The following BICDL1 variants were observed in gnomAD, a reference collection of about 807,000 sequenced individuals.
The protein encoded by BICDL1 is BICD family-like cargo adapter 1.
Under a neutral mutation model 76.8 loss-of-function variants are expected in BICDL1, and 20 were observed. The ratio of observed to expected loss-of-function variants is 0.26; its 90% CI spans 0.18 to 0.38. The LOEUF is 0.38. Ranked by LOEUF, BICDL1 falls within the 10% of genes least tolerant of loss-of-function variation. The pLI is 1.00. For synonymous variants in BICDL1, 383 were observed against 337.1 expected, an observed-to-expected ratio of 1.14 and a Z score of -1.49; for missense variants, 700 against 798.6, an observed-to-expected ratio of 0.88 and a Z score of 1.49.
rs568867762 is a variant in BICDL1 at position 120,093,304 on chromosome 12, C to G, written c.*143C>G. 5.3e-4 allele frequency: 512 copies of G among 959,132 alleles called. 2 individuals are homozygous for G. The highest frequency in any genetic ancestry group is 6.2e-4 in the Non-Finnish European group (405 of 655,000). 59.4% of individuals were successfully genotyped at this position (959,132 alleles called of 1,614,324 possible). A position where few individuals can be genotyped will look rare whatever the true frequency, so the allele number is the denominator to read the frequency against. On this transcript the variant is annotated 3_prime_UTR_variant, in exon 10 of 10. Transcript: ENST00000548673. ...CCCCATGGGTCCGGGAGGGCCTGCT[C>G]CCTTTCGTCGGTGGGGATGGAGACC...
At chr12:120,052,106 A>G (rs1468733019) in intron 2 of BICDL1, among the ~76,000 whole-genome samples, 1 of 151,836 alleles carries the variant, frequency 6.6e-6, no homozygotes, top group African/African-American at 2.4e-5. Context: ...ACACCCAGCT[A>G]ATTTTTTTTG....
At chr12:120,033,451 A>G (rs554906200) in intron 2 of BICDL1, among the ~76,000 whole-genome samples, 2 of 136,568 alleles carry the variant, frequency 1.5e-5, no homozygotes, top group East Asian at 4.3e-4. Flanking sequence ...ATCTCGGCTC[A>G]CTGCAAACTC....
chr12:120,042,938 A>C (rs891862455), intron 2 of BICDL1, among the ~76,000 whole-genome samples: 1 of 152,060 alleles, frequency 6.6e-6, no homozygotes, highest in Non-Finnish European at 1.5e-5. Flanking sequence ...TGCTAAACCT[A>C]ACCAGAGGTG....
chr12:120,021,586 CAAA>C (rs145151630), intron 2 of BICDL1, among the ~76,000 whole-genome samples: 4,858 of 45,902 alleles, frequency 0.11, 113 homozygotes, highest in African/African-American at 0.19. Context: ...GACTCCATCT[CAAA>C]AAAAAAAAAA....
At chr12:120,066,176 G>A (rs1455695500) in intron 4 of BICDL1, among the ~76,000 whole-genome samples, 1 of 152,208 alleles carries the variant, frequency 6.6e-6, no homozygotes, top group Non-Finnish European at 1.5e-5. Context: ...CCAAAGTCAT[G>A]TAGTGAGTCT....
At position 120,026,759 on chromosome 12, in the gene BICDL1, G is replaced by T. The variant is rs146381785; in HGVS notation, c.645+28023G>T. Among the ~76,000 whole-genome samples, 13 of 152,334 alleles carry T rather than the reference G, an allele frequency of 8.5e-5. No homozygotes were observed. The East Asian group carries it at 2.5e-3, about 29-fold the overall frequency. On this transcript the variant is annotated intron_variant, in intron 2 of 9. Coordinates refer to ENST00000548673, the MANE Select transcript of BICDL1 (RefSeq NM_001367886.1). ...TTCTGCTGCAGTGTCATAGGCTCTA[G>T]CTTGTCAGCCATCTTTTTTGCTCTC...
intron 3 of BICDL1, among the ~76,000 whole-genome samples, chr12:120,063,356 CTTTG>C (rs770337603): frequency 6.6e-5 from 10 of 152,220 alleles, no homozygotes; most frequent in South Asian, 4.2e-4. Context: ...GACAATATTT[CTTTG>C]TTTGGCCAGA....
At chr12:120,057,841 T>C (rs1176573263) in intron 2 of BICDL1, among the ~76,000 whole-genome samples, 32 of 140,464 alleles carry the variant, frequency 2.3e-4, no homozygotes, top group Non-Finnish European at 1.1e-4. Flanking sequence ...TTTTTTTTTT[T>C]TTTTTTTGAG....
chr12:119,998,429 T>A, intron 1 of BICDL1, 92 bp from the exon 2 acceptor site: 3 of 1,122,808 alleles, frequency 2.7e-6, no homozygotes, highest in Non-Finnish European at 3.7e-6. Context: ...GTCTACTGAC[T>A]AGGAAAAAGA....
At position 120,071,698 on chromosome 12, in the gene BICDL1, C is replaced by T. The variant is rs780597636; in HGVS notation, c.986C>T (p.Thr329Ile). 3.7e-6 allele frequency: 6 copies of T among 1,612,730 alleles called. No individual in the cohort carries two copies. In the Admixed American group the frequency reaches 1.0e-4, roughly 27 times the overall value. Residue 329 changes from threonine (T) to isoleucine (I), a missense_variant, in exon 5 of 10, where the codon ACT becomes ATT. Thr to Ile is a moderately conservative substitution (Grantham distance 89). Coordinates refer to ENST00000548673, the MANE Select transcript of BICDL1 (RefSeq NM_001367886.1). The surrounding 1 kb of genome is among the most constrained non-coding windows in gnomAD (Gnocchi z 4.8). ...CTGCAGGTGAAGGTGGAAGAACTCA[C>T]TGAGGAGAGGAGTCTGCAGAGCTCT... is the stretch of plus-strand genomic sequence containing the variant. The part of the protein sequence containing the change: ...RQLQVKVEEL[T>I]EERSLQSSAA...
intron 2 of BICDL1, among the ~76,000 whole-genome samples, chr12:120,039,174 A>G (rs1017225694): frequency 3.3e-5 from 5 of 151,316 alleles, no homozygotes; most frequent in African/African-American, 4.9e-5. Context: ...GCGGGTGTCT[A>G]TAGTCCCAGC....
At chr12:120,049,115 A>G (rs1307328156) in intron 2 of BICDL1, among the ~76,000 whole-genome samples, 1 of 152,224 alleles carries the variant, frequency 6.6e-6, no homozygotes, top group Non-Finnish European at 1.5e-5. Flanking sequence ...GTCCTCTGCT[A>G]GAGTTTGTGC....
intron 1 of BICDL1, among the ~76,000 whole-genome samples, chr12:119,996,036 G>A (rs1234334761): frequency 6.6e-6 from 1 of 151,962 alleles, no homozygotes; most frequent in East Asian, 1.9e-4. Context: ...TACAAGGGAT[G>A]CATAGAGCAA....
intron 8 of BICDL1, among the ~76,000 whole-genome samples, chr12:120,083,729 G>A (rs1249065901): frequency 1.3e-5 from 2 of 151,754 alleles, no homozygotes; most frequent in African/African-American, 2.4e-5. Context: ...GCACGACCTC[G>A]TCTCACTGCA....
Position 119,990,770 on chromosome 12 carries a change from A to G in BICDL1, c.429+473A>G, listed in dbSNP as rs536615391. On this transcript the variant is annotated intron_variant, in intron 1 of 9. Transcript: ENST00000548673. ...CTGGCAGCTCAGAGTTGTGGGAAACAAGTGCCCCTAAAGGAGCTTTATATA... is the reference window on the plus strand; with the variant it reads ...CTGGCAGCTCAGAGTTGTGGGAAACGAGTGCCCCTAAAGGAGCTTTATATA... Among the ~76,000 whole-genome samples the G allele has an allele frequency of 2.6e-5, 4 of 152,332 alleles. No individual in the cohort carries two copies. The South Asian group carries it at 8.3e-4, about 32-fold the overall frequency.
rs1458747678 is a variant in BICDL1 at position 120,093,942 on chromosome 12, C to CG, written c.*785dup. Reference sequence around the variant, plus strand: ...TCCCCTGCTCAGGGCTGGGGTTGGACGGGGTCTCCTCCTCCCACAGCTCCC... The same window carrying CG: ...TCCCCTGCTCAGGGCTGGGGTTGGACGGGGGTCTCCTCCTCCCACAGCTCCC... On this transcript the variant is annotated 3_prime_UTR_variant, in exon 10 of 10. Transcript: ENST00000548673. 3 of 320,912 alleles carry CG rather than the reference C, an allele frequency of 9.3e-6. No homozygotes were observed. Among genetic ancestry groups the CG allele is most frequent in the East Asian group, 8.1e-5 (1 of 12,352 alleles). The allele number at this position is 320,912 out of a possible 1,614,324, so 19.9% of individuals were successfully genotyped here. A position where few individuals can be genotyped will look rare whatever the true frequency, so the allele number is the denominator to read the frequency against.
chr12:120,038,828 G>T (rs1952576069), intron 2 of BICDL1, among the ~76,000 whole-genome samples: 1 of 151,988 alleles, frequency 6.6e-6, no homozygotes, highest in Non-Finnish European at 1.5e-5. Context: ...TGTCTAACAG[G>T]GATTATTTTG....
chr12:120,021,609 AAGAG>A (rs1475449530), intron 2 of BICDL1, among the ~76,000 whole-genome samples: 5 of 139,348 alleles, frequency 3.6e-5, no homozygotes, highest in Admixed American at 2.8e-4. Context: ...AAAAAAAAAA[AAGAG>A]AATCAGCCAG....
At chr12:120,046,272 C>T (rs1375350636) in intron 2 of BICDL1, among the ~76,000 whole-genome samples, 1 of 152,218 alleles carries the variant, frequency 6.6e-6, no homozygotes, top group Non-Finnish European at 1.5e-5. Context: ...GCTCTGTCTT[C>T]AGGCTCTTTA....
Sources: allele counts gnomAD v4.1 joint callset (sites outside exome capture counted in the v4.1 genomes callset), GRCh38; gene constraint gnomAD v4.1.1; non-coding constraint Gnocchi (gnomAD v3.1); transcripts MANE v1.5; gene names NCBI Gene and HGNC (gene_info 2026-07-23, HGNC 2026-07-21).